Variants in UBE2Z observed in about 807,000 individuals in gnomAD.
The protein encoded by UBE2Z is ubiquitin conjugating enzyme E2 Z.
In UBE2Z, 10 loss-of-function variants were observed where a neutral mutation model predicts 32.6. That is an observed-to-expected ratio of 0.31 (90% CI 0.19 to 0.52). The LOEUF (loss-of-function observed/expected upper bound fraction) is 0.52. Among genes scored for constraint, UBE2Z ranks in the 20% least tolerant of loss-of-function variants. UBE2Z has a pLI of 0.97. For synonymous variants in UBE2Z, 183 were observed against 190.8 expected (o/e 0.96, Z 0.34); for missense variants, 343 against 480.9 (o/e 0.71, Z 2.68).
intron 4 of UBE2Z, among the ~76,000 whole-genome samples, chr17:48,918,813 C>G (rs544610882): frequency 1.4e-5 from 2 of 141,434 alleles, no homozygotes; most frequent in African/African-American, 5.2e-5. Flanking sequence ...GTGGTGTGAT[C>G]TCAGCTCACT....
intron 6 of UBE2Z, among the ~76,000 whole-genome samples, chr17:48,926,046 AT>A (rs2040795914): frequency 6.6e-6 from 1 of 152,178 alleles, no homozygotes; most frequent in Non-Finnish European, 1.5e-5. Context: ...TTTGGGGACA[AT>A]TAAACCTTTC....
intron 6 of UBE2Z, among the ~76,000 whole-genome samples, chr17:48,924,138 C>CTGTTT (rs1179196346): frequency 6.6e-6 from 1 of 151,946 alleles, no homozygotes; most frequent in African/African-American, 2.4e-5. Flanking sequence ...ATTACAGGCC[C>CTGTTT]TGTTTTGTTT....
intron 4 of UBE2Z, among the ~76,000 whole-genome samples, chr17:48,917,419 C>G (rs1178595975): frequency 6.6e-6 from 1 of 151,848 alleles, no homozygotes; most frequent in Non-Finnish European, 1.5e-5. Context: ...TAATTCTGAC[C>G]TGCTTTGGGG....
At chr17:48,916,764 A>G (rs1398832641) in intron 4 of UBE2Z, among the ~76,000 whole-genome samples, 1 of 138,718 alleles carries the variant, frequency 7.2e-6, no homozygotes, top group African/African-American at 2.7e-5. Context: ...AGGCAGGTGG[A>G]TCACCTGAGG....
At chr17:48,916,241 G>T in intron 4 of UBE2Z, 54 bp downstream of exon 4, 2 of 943,250 alleles carry the variant, frequency 2.1e-6, no homozygotes, top group Non-Finnish European at 3.0e-6. Flanking sequence ...TTGTTTGTTT[G>T]GTTGGTTGGT....
intron 3 of UBE2Z, among the ~76,000 whole-genome samples, chr17:48,915,084 GT>G (rs955093527): frequency 3.5e-4 from 53 of 149,722 alleles, no homozygotes; most frequent in Non-Finnish European, 5.9e-4. Flanking sequence ...TATCAGCCAT[GT>G]TTTTTTTTTC....
intron 3 of UBE2Z, among the ~76,000 whole-genome samples, chr17:48,913,595 C>A (rs1598072261): frequency 6.6e-6 from 1 of 152,168 alleles, no homozygotes; most frequent in Non-Finnish European, 1.5e-5. Context: ...CCTCATCATC[C>A]ACTCACCTTG....
At chr17:48,925,018 C>T (rs1039362458) in intron 6 of UBE2Z, among the ~76,000 whole-genome samples, 2 of 151,712 alleles carry the variant, frequency 1.3e-5, no homozygotes, top group Non-Finnish European at 2.9e-5. Context: ...CGCAATGGCT[C>T]ATGCCTGTGA....
chr17:48,923,283 T>C (rs945643307), intron 6 of UBE2Z, among the ~76,000 whole-genome samples: 7 of 136,850 alleles, frequency 5.1e-5, no homozygotes, highest in Non-Finnish European at 1.1e-4. Flanking sequence ...ATTGTGCCAC[T>C]GCACTTCAGC....
intron 4 of UBE2Z, among the ~76,000 whole-genome samples, chr17:48,917,939 A>C (rs1006232139): frequency 7.2e-5 from 11 of 152,036 alleles, no homozygotes; most frequent in African/African-American, 2.7e-4. Context: ...AGCTTAATTA[A>C]TTTATTTATT....
At chr17:48,925,281 C>CA (rs200181647) in intron 6 of UBE2Z, among the ~76,000 whole-genome samples, 1,961 of 108,204 alleles carry the variant, frequency 0.018, 40 homozygotes, top group African/African-American at 0.067. Context: ...GACTCCACCT[C>CA]AAAAAAAAAA....
At chr17:48,922,082 G>A (rs771922631) in intron 5 of UBE2Z, among the ~76,000 whole-genome samples, 10 of 152,158 alleles carry the variant, frequency 6.6e-5, no homozygotes, top group Admixed American at 1.3e-4. Flanking sequence ...CTGATGTGTA[G>A]GGGAAGTCAA....
chr17:48,921,810 C>A (rs1233258393), intron 5 of UBE2Z, among the ~76,000 whole-genome samples: 1 of 152,084 alleles, frequency 6.6e-6, no homozygotes, highest in Non-Finnish European at 1.5e-5. Flanking sequence ...GGGAGGATCA[C>A]TTGAGCCCAA....
Position 48,910,742 on chromosome 17 carries a change from C to T in UBE2Z, c.318-66C>T, listed in dbSNP as rs528104905. 51 of 1,245,506 alleles carry T rather than the reference C, an allele frequency of 4.1e-5. No individual in the cohort carries two copies. In the African/African-American group the frequency reaches 5.5e-4, roughly 13 times the overall value. 77.2% of individuals were successfully genotyped at this position (1,245,506 alleles called of 1,614,324 possible). A position where few individuals can be genotyped will look rare whatever the true frequency, so the allele number is the denominator to read the frequency against. ...CATTGAGGTGATAACAACTGTCCTG[C>T]TCAAGGGATTCCCCCTTTCCCCCTC... is the stretch of plus-strand genomic sequence containing the variant. On this transcript the variant is annotated intron_variant, in intron 1 of 6. Coordinates refer to ENST00000360943, the MANE Select transcript of UBE2Z (RefSeq NM_023079.5).
chr17:48,924,508 A>C (rs1350626502), intron 6 of UBE2Z, among the ~76,000 whole-genome samples: 1 of 150,324 alleles, frequency 6.7e-6, no homozygotes, highest in Non-Finnish European at 1.5e-5. Flanking sequence ...ATAAGAACTC[A>C]AAATTTAGGC....
intron 2 of UBE2Z, 69 bp downstream of exon 2, chr17:48,910,949 A>C: frequency 7.9e-7 from 1 of 1,266,854 alleles, no homozygotes; most frequent in Non-Finnish European, 1.2e-6. Context: ...AAAGCCTAAA[A>C]GAGATTATTC....
chr17:48,926,539 G>C (rs1054404658), intron 6 of UBE2Z, among the ~76,000 whole-genome samples: 1 of 149,282 alleles, frequency 6.7e-6, no homozygotes, highest in Non-Finnish European at 1.5e-5. Context: ...GTAATGGTGC[G>C]ATCTCGATCT....
chr17:48,922,806 C>T (rs192425653), intron 5 of UBE2Z, 41 bp from the exon 6 acceptor site: 166 of 1,550,328 alleles, frequency 1.1e-4, no homozygotes, highest in Non-Finnish European at 1.4e-4. Context: ...GTGACCTGTA[C>T]CCCTGGGTTT....
intron 3 of UBE2Z, among the ~76,000 whole-genome samples, chr17:48,914,913 C>T (rs936315285): frequency 6.6e-6 from 1 of 152,034 alleles, no homozygotes; most frequent in Non-Finnish European, 1.5e-5. Context: ...CCCAGCTACT[C>T]GGGAGGCTGA....
Sources: allele counts gnomAD v4.1 joint callset (sites outside exome capture counted in the v4.1 genomes callset), GRCh38; gene constraint gnomAD v4.1.1; transcripts MANE v1.5; gene names NCBI Gene and HGNC (gene_info 2026-07-23, HGNC 2026-07-21).